SMYD3: variants seen among roughly 807,000 people sequenced by gnomAD.
The protein encoded by SMYD3 is SET and MYND domain containing 3.
In SMYD3, 36 loss-of-function variants were observed where a neutral mutation model predicts 57.7. That is an observed-to-expected ratio of 0.62 (90% confidence interval 0.48 to 0.82). The LOEUF (loss-of-function observed/expected upper bound fraction) is 0.82, where lower values mean the gene tolerates loss of function less well. Among genes scored for constraint, SMYD3 ranks in the 40% least tolerant of loss-of-function variants. The pLI is 0.00. For synonymous variants in SMYD3, 211 were observed against 195.0 expected (o/e 1.08, Z -0.68); for missense variants, 515 against 538.8 (o/e 0.96, Z 0.44).
intron 5 of SMYD3, among the ~76,000 whole-genome samples, chr1:245,999,368 A>G (rs2058993717): frequency 6.6e-6 from 1 of 152,216 alleles, no homozygotes; most frequent in South Asian, 2.1e-4. Context: ...TGCTATCCAT[A>G]TAACAACTTG....
At chr1:246,029,784 C>A (rs2059637825) in intron 5 of SMYD3, among the ~76,000 whole-genome samples, 1 of 151,374 alleles carries the variant, frequency 6.6e-6, no homozygotes, top group South Asian at 2.1e-4. Context: ...GAATCAAAAC[C>A]ACAATGAAAT....
intron 10 of SMYD3, among the ~76,000 whole-genome samples, chr1:245,793,179 GGT>G (rs2047368561): frequency 6.6e-6 from 1 of 150,470 alleles, no homozygotes; most frequent in Non-Finnish European, 1.5e-5. Context: ...CATGGTGGCG[GGT>G]GCCTGTAGTC....
intron 1 of SMYD3, among the ~76,000 whole-genome samples, chr1:246,421,665 A>AT (rs2067144805): frequency 3.9e-5 from 6 of 152,240 alleles, no homozygotes; most frequent in Non-Finnish European, 7.3e-5. Context: ...ATACAAAGCA[A>AT]TTAAAAACAG....
At chr1:246,121,555 T>C (rs2061426465) in intron 5 of SMYD3, among the ~76,000 whole-genome samples, 1 of 151,970 alleles carries the variant, frequency 6.6e-6, no homozygotes. Context: ...TGACTTAAGA[T>C]ACAGTGTAGT....
intron 5 of SMYD3, among the ~76,000 whole-genome samples, chr1:246,093,093 T>A (rs1169253483): frequency 3.3e-5 from 5 of 152,140 alleles, no homozygotes; most frequent in Non-Finnish European, 7.4e-5. Context: ...ATGGCCATTT[T>A]AAAAAAGACG....
intron 1 of SMYD3, among the ~76,000 whole-genome samples, chr1:246,481,782 TATAG>T (rs1461068320): frequency 8.7e-4 from 124 of 142,612 alleles, no homozygotes; most frequent in Middle Eastern, 3.8e-3. Context: ...GATATATATA[TATAG>T]AGAGAGAGAG....
intron 5 of SMYD3, among the ~76,000 whole-genome samples, chr1:246,117,441 C>T (rs781502119): frequency 2.6e-5 from 4 of 152,148 alleles, no homozygotes; most frequent in Admixed American, 1.3e-4. Flanking sequence ...AGCCAGGTTT[C>T]GCAGAATAAA....
intron 5 of SMYD3, among the ~76,000 whole-genome samples, chr1:246,158,756 CCTT>C (rs1157050146): frequency 5.3e-5 from 8 of 152,046 alleles, no homozygotes; most frequent in African/African-American, 1.7e-4. Flanking sequence ...ATTTTCCTCT[CCTT>C]GACAAACTAC....
chr1:246,205,212 G>T (rs1052265466), intron 5 of SMYD3, among the ~76,000 whole-genome samples: 1 of 152,230 alleles, frequency 6.6e-6, no homozygotes, highest in African/African-American at 2.4e-5. Flanking sequence ...GTCCTTACAA[G>T]GAGATACAGT....
At chr1:246,168,944 G>T (rs958835880) in intron 5 of SMYD3, among the ~76,000 whole-genome samples, 3 of 151,958 alleles carry the variant, frequency 2.0e-5, no homozygotes, top group Non-Finnish European at 4.4e-5. Context: ...CAGGGTAGGG[G>T]GTTCAATATC....
rs187177240 is a variant in SMYD3 at position 246,226,111 on chromosome 1, C to T, written c.531+101090G>A. Among the ~76,000 whole-genome samples the T allele has an allele frequency of 9.5e-4, 145 of 152,292 alleles. No individual in the cohort carries two copies. In the East Asian group the frequency reaches 0.013, roughly 14 times the overall value. On this transcript the variant is annotated intron_variant, in intron 5 of 11. Transcript: ENST00000490107. The stretch of plus-strand genomic sequence containing the variant: ...TCTTCTTGCCTAAAATAAACTTCCA[C>T]ACACCTGCTCTATAAACCCGAACTC...
chr1:246,360,158 T>C lies in SMYD3; in HGVS notation c.165-5064A>G, dbSNP rs183581094. ...TGTACACAAATCAGTAGCTCTGCTA[T>C]ACAGCAACAGCAACCAAGCTGAGAA... On this transcript the variant is annotated intron_variant, in intron 1 of 11. Coordinates refer to ENST00000490107, the MANE Select transcript of SMYD3 (RefSeq NM_001167740.2). 1.0e-3 allele frequency among the ~76,000 whole-genome samples: 154 copies of C among 152,270 alleles called. No individual in the cohort carries two copies. The Middle Eastern group carries it at 0.054, about 54-fold the overall frequency.
At chr1:245,963,306 A>G (rs10924409) in intron 5 of SMYD3, among the ~76,000 whole-genome samples, 21,311 of 152,240 alleles carry the variant, frequency 0.14, 1,844 homozygotes, top group East Asian at 0.41. Flanking sequence ...AGATCTGCCA[A>G]AGAAATAAGG....
chr1:246,195,793 C>T (rs892458491), intron 5 of SMYD3, among the ~76,000 whole-genome samples: 10 of 152,172 alleles, frequency 6.6e-5, no homozygotes, highest in African/African-American at 2.2e-4. Context: ...GTGAAGGGTT[C>T]TTACATATAG....
chr1:245,888,084 G>A (rs1030859078), intron 8 of SMYD3, among the ~76,000 whole-genome samples: 4 of 152,186 alleles, frequency 2.6e-5, no homozygotes, highest in Non-Finnish European at 5.9e-5. Flanking sequence ...GTTGGGGTGA[G>A]TCAGGGCTCC....
At chr1:245,955,176 C>A (rs2057794155) in intron 5 of SMYD3, among the ~76,000 whole-genome samples, 2 of 152,300 alleles carry the variant, frequency 1.3e-5, no homozygotes, top group South Asian at 4.1e-4. Flanking sequence ...ACTGCAAGTT[C>A]CGCCTCCCGG....
chr1:246,032,542 G>A (rs1009634066), intron 5 of SMYD3, among the ~76,000 whole-genome samples: 1 of 152,172 alleles, frequency 6.6e-6, no homozygotes, highest in African/African-American at 2.4e-5. Flanking sequence ...GATTCACTGA[G>A]CAACAACCTC....
chr1:246,165,244 A>G (rs1176559954), intron 5 of SMYD3, among the ~76,000 whole-genome samples: 2 of 152,210 alleles, frequency 1.3e-5, no homozygotes, highest in African/African-American at 4.8e-5. Context: ...AGAAGTAAGA[A>G]AGTGAAGACT....
At chr1:246,138,361 C>CA (rs1388401124) in intron 5 of SMYD3, among the ~76,000 whole-genome samples, 1 of 151,916 alleles carries the variant, frequency 6.6e-6, no homozygotes, top group East Asian at 1.9e-4. Flanking sequence ...AAACAAAAAA[C>CA]AAAAAACCTG....
Sources: allele counts gnomAD v4.1 joint callset (sites outside exome capture counted in the v4.1 genomes callset), GRCh38; gene constraint gnomAD v4.1.1; transcripts MANE v1.5; gene names NCBI Gene and HGNC (gene_info 2026-07-23, HGNC 2026-07-21).